TANC2: variants seen among roughly 807,000 people sequenced by gnomAD.
TANC2 encodes protein TANC2.
TANC2 carries 26 observed loss-of-function variants against 210.5 expected under a neutral mutation model. The observed-to-expected ratio is 0.12, with a 90% CI of 0.09 to 0.17. The LOEUF is 0.17. Ranked by LOEUF, TANC2 falls within the 10% of genes least tolerant of loss-of-function variation. The pLI is 1.00. For synonymous variants in TANC2, 931 were observed against 967.1 expected (o/e 0.96, Z 0.69); for missense variants, 2,129 against 2,608.9 (o/e 0.82, Z 4.01).
At chr17:63,129,979 G>C (rs1478853819) in intron 4 of TANC2, among the ~76,000 whole-genome samples, 2 of 151,982 alleles carry the variant, frequency 1.3e-5, no homozygotes, top group Non-Finnish European at 2.9e-5. Flanking sequence ...ACAACTATGA[G>C]CAAGAAAGTT....
intron 7 of TANC2, among the ~76,000 whole-genome samples, chr17:63,216,117 C>T (rs2042020073): frequency 6.6e-6 from 1 of 152,094 alleles, no homozygotes; most frequent in African/African-American, 2.4e-5. Context: ...GGTGCGATCT[C>T]GGCTCACTGC....
intron 4 of TANC2, among the ~76,000 whole-genome samples, chr17:63,119,314 A>C (rs1395640903): frequency 6.6e-6 from 1 of 152,208 alleles, no homozygotes; most frequent in Non-Finnish European, 1.5e-5. Flanking sequence ...TAGCAAAAGA[A>C]GATTTTTGTT....
intron 5 of TANC2, among the ~76,000 whole-genome samples, chr17:63,167,228 T>A (rs1176485528): frequency 2.0e-5 from 3 of 152,180 alleles, no homozygotes; most frequent in Non-Finnish European, 4.4e-5. Flanking sequence ...GAAATAGAGG[T>A]AATAATACCT....
At chr17:63,226,237 A>G (rs926579880) in intron 7 of TANC2, among the ~76,000 whole-genome samples, 3 of 152,326 alleles carry the variant, frequency 2.0e-5, no homozygotes, top group East Asian at 1.9e-4. Flanking sequence ...GGTCTGTGGC[A>G]ACACCTTACT....
intron 14 of TANC2, among the ~76,000 whole-genome samples, chr17:63,367,085 A>G (rs1197003181): frequency 6.6e-6 from 1 of 152,246 alleles, no homozygotes; most frequent in Non-Finnish European, 1.5e-5. Context: ...AATATCTGCA[A>G]ATTCAAAGTC....
At chr17:63,319,137 A>G (rs748453578) in intron 11 of TANC2, 47 bp downstream of exon 11, 3 of 1,571,420 alleles carry the variant, frequency 1.9e-6, no homozygotes, top group African/African-American at 2.7e-5. Context: ...CCATTTTAAT[A>G]TCAAGGAAGC....
At chr17:63,376,622 C>A (rs538131230) in intron 14 of TANC2, among the ~76,000 whole-genome samples, 1 of 152,186 alleles carries the variant, frequency 6.6e-6, no homozygotes, top group South Asian at 2.1e-4. Context: ...TTTGCCTTTA[C>A]AGAATTTCTA....
intron 14 of TANC2, among the ~76,000 whole-genome samples, chr17:63,372,157 A>G (rs2047288071): frequency 6.6e-6 from 1 of 152,206 alleles, no homozygotes; most frequent in Non-Finnish European, 1.5e-5. Flanking sequence ...TCCTCCTGAA[A>G]ACCTCTGGTC....
At chr17:63,345,306 C>T (rs2046364154) in intron 12 of TANC2, among the ~76,000 whole-genome samples, 1 of 152,128 alleles carries the variant, frequency 6.6e-6, no homozygotes. Flanking sequence ...TCAGTTTTTT[C>T]TTAAACTATT....
chr17:63,044,028 G>T (rs190303294), intron 2 of TANC2, among the ~76,000 whole-genome samples: 3 of 152,024 alleles, frequency 2.0e-5, no homozygotes, highest in Non-Finnish European at 4.4e-5. Flanking sequence ...TTAAATTATT[G>T]TGTCTCCAAT....
intron 9 of TANC2, among the ~76,000 whole-genome samples, chr17:63,272,712 A>G (rs981898006): frequency 2.0e-5 from 3 of 152,158 alleles, no homozygotes; most frequent in Non-Finnish European, 2.9e-5. Context: ...ATTCTGAAAT[A>G]GTTTTTTAAT....
chr17:63,151,342 C>T, exon 5 of TANC2: 2 of 985,874 alleles, frequency 2.0e-6, no homozygotes, highest in Non-Finnish European at 2.4e-6. Flanking sequence ...CCAACCCTCA[C>T]TTCAGCTCAG....
chr17:63,354,773 A>G lies in TANC2; in HGVS notation c.1975-10A>G, dbSNP rs928030879. On this transcript the variant is annotated splice_polypyrimidine_tract_variant and intron_variant, in intron 13 of 27. Coordinates refer to ENST00000689528, the Ensembl canonical transcript of TANC2. ...TCTTTCTGTCTCTTTCTCTCTCTCC[A>G]TCTTTTTAGGAAATTACCAAGCTGC... 3.9e-6 allele frequency: 6 copies of G among 1,547,928 alleles called. No individual in the cohort carries two copies. The highest frequency in any genetic ancestry group is 2.6e-5 in the South Asian group (2 of 78,416).
intron 7 of TANC2, among the ~76,000 whole-genome samples, chr17:63,206,877 G>C (rs1405993013): frequency 6.6e-6 from 1 of 152,102 alleles, no homozygotes; most frequent in Non-Finnish European, 1.5e-5. Flanking sequence ...ATAATTTTAT[G>C]TCGTGTATAT....
intron 19 of TANC2, among the ~76,000 whole-genome samples, chr17:63,403,139 G>T (rs1432119253): frequency 4.6e-5 from 7 of 152,228 alleles, no homozygotes. Flanking sequence ...AGACTGGACA[G>T]TATGGCTTTC....
intron 17 of TANC2, chr17:63,389,950 T>G (rs1443004054): frequency 1.7e-5 from 4 of 239,942 alleles, no homozygotes; most frequent in Non-Finnish European, 3.3e-5. Flanking sequence ...AGAAGAAAAC[T>G]TAGCCATGGA....
At chr17:63,032,724 G>C (rs1240902094) in intron 2 of TANC2, among the ~76,000 whole-genome samples, 1 of 152,124 alleles carries the variant, frequency 6.6e-6, no homozygotes, top group Non-Finnish European at 1.5e-5. Flanking sequence ...AGAACAACTT[G>C]TTCTATACTC....
At chr17:63,073,098 A>C (rs1244328259) in intron 2 of TANC2, among the ~76,000 whole-genome samples, 5 of 152,100 alleles carry the variant, frequency 3.3e-5, no homozygotes, top group Non-Finnish European at 7.4e-5. Flanking sequence ...TTGATGCCTT[A>C]ATGCATTTTT....
At chr17:63,091,849 G>A (rs1456658382) in intron 3 of TANC2, among the ~76,000 whole-genome samples, 1 of 152,106 alleles carries the variant, frequency 6.6e-6, no homozygotes, top group African/African-American at 2.4e-5. Flanking sequence ...CATGAGCATG[G>A]AATGTTCTTC....
Sources: allele counts gnomAD v4.1 joint callset (sites outside exome capture counted in the v4.1 genomes callset), GRCh38; gene constraint gnomAD v4.1.1; transcripts MANE v1.5; gene names NCBI Gene and HGNC (gene_info 2026-07-23, HGNC 2026-07-21).